The following ZC3H11A variants were observed in gnomAD, a reference collection of about 807,000 sequenced individuals.
The protein encoded by ZC3H11A is zinc finger CCCH-type containing 11A.
A neutral mutation model predicts 90.8 loss-of-function variants in ZC3H11A; 22 were observed. The observed-to-expected ratio is 0.24, with a 90% CI of 0.17 to 0.35. ZC3H11A has a LOEUF of 0.35. Ranked by LOEUF, ZC3H11A falls within the 10% of genes least tolerant of loss-of-function variation. The pLI is 1.00. For synonymous variants in ZC3H11A, 294 were observed against 339.8 expected, an observed-to-expected ratio of 0.87 and a Z score of 1.48; for missense variants, 701 against 964.9, an observed-to-expected ratio of 0.73 and a Z score of 3.62.
In ZC3H11A at chr1:203,852,125, C is replaced by CTTTTTTTT; in HGVS notation, c.2175-15_2175-8dup. 2 of 1,612,570 alleles carry CTTTTTTTT rather than the reference C, an allele frequency of 1.2e-6. No homozygotes were observed. Among genetic ancestry groups the CTTTTTTTT allele is most frequent in the African/African-American group, 1.3e-5 (1 of 74,740 alleles). ...TTTAAAACGGCAGTTTTCTAATAAT[C>CTTTTTTTT]TTTTTTTTCTTACAGTCTTGTGCTG... On this transcript the variant is annotated splice_polypyrimidine_tract_variant and intron_variant, in intron 17 of 17. Coordinates refer to ENST00000367210, the MANE Select transcript of ZC3H11A (RefSeq NM_001376342.1).
intron 12 of ZC3H11A, among the ~76,000 whole-genome samples, chr1:203,842,248 G>A (rs1440538626): frequency 3.9e-5 from 6 of 152,268 alleles, no homozygotes; most frequent in East Asian, 1.9e-4. Context: ...CAAGGCAGGC[G>A]GCTGGGAGGT....
At position 203,797,812 on chromosome 1, in the gene ZC3H11A, A is replaced by G. The variant is rs1006311710; in HGVS notation, c.-1588+2018A>G. 2.6e-6 allele frequency: 4 copies of G among 1,535,992 alleles called. No homozygotes were observed. In the Admixed American group the frequency reaches 7.8e-5, roughly 30 times the overall value. ...TTGGGATCTGGGAGGCCTGTTGCAG[A>G]TGCCCCTGCTTTGTTAGCTTCCAAT... On this transcript the variant is annotated intron_variant, in intron 1 of 17. Transcript: ENST00000367210.
chr1:203,816,778 A>T (rs1006492932), intron 2 of ZC3H11A, 148 bp from the exon 3 acceptor site: 1 of 291,756 alleles, frequency 3.4e-6, no homozygotes, highest in African/African-American at 2.2e-5. Flanking sequence ...AATGTACAGT[A>T]TTCGCAATCA....
intron 2 of ZC3H11A, among the ~76,000 whole-genome samples, chr1:203,816,110 T>C (rs1209224000): frequency 6.6e-6 from 1 of 152,214 alleles, no homozygotes; most frequent in African/African-American, 2.4e-5. Context: ...AACAGGGTTT[T>C]CTCACCTAGT....
chr1:203,813,134 C>A (rs1007939595), intron 2 of ZC3H11A, among the ~76,000 whole-genome samples: 3 of 151,968 alleles, frequency 2.0e-5, no homozygotes, highest in Non-Finnish European at 4.4e-5. Context: ...CTTTCTTAAG[C>A]TTCTTAACAG....
intron 8 of ZC3H11A, among the ~76,000 whole-genome samples, chr1:203,830,813 A>G (rs1257450367): frequency 3.9e-5 from 6 of 152,180 alleles, no homozygotes; most frequent in African/African-American, 1.2e-4. Flanking sequence ...GTCTCAAAAA[A>G]GAAAAAAAAG....
intron 4 of ZC3H11A, among the ~76,000 whole-genome samples, chr1:203,826,769 A>C (rs980209411): frequency 6.6e-6 from 1 of 152,158 alleles, no homozygotes; most frequent in Non-Finnish European, 1.5e-5. Context: ...AGTTCATCGG[A>C]GGTTAGTTAG....
chr1:203,850,996 T>G, intron 16 of ZC3H11A, 61 bp from the exon 17 acceptor site: 1 of 1,571,596 alleles, frequency 6.4e-7, no homozygotes, highest in Non-Finnish European at 8.7e-7. Context: ...CAAAAGAAAA[T>G]GAATATGCTC....
chr1:203,801,460 T>C (rs1670536739), intron 1 of ZC3H11A, 115 bp from the exon 2 acceptor site: 1 of 152,362 alleles, frequency 6.6e-6, no homozygotes, highest in South Asian at 2.1e-4. Flanking sequence ...TCTGAAAGTA[T>C]GTTTCTGAGA....
chr1:203,800,555 C>T, intron 1 of ZC3H11A: 3 of 1,199,574 alleles, frequency 2.5e-6, no homozygotes, highest in Non-Finnish European at 3.3e-6. Flanking sequence ...TCTTTATAAA[C>T]ACATCTGGGG....
rs34793133 is a variant in ZC3H11A, at chr1:203,846,115, CAAA to C, written c.1043-1051_1043-1049del. 1.5e-4 allele frequency among the ~76,000 whole-genome samples: 8 copies of C among 53,168 alleles called. No individual in the cohort carries two copies. In the East Asian group the frequency reaches 1.9e-3, roughly 13 times the overall value. 34.9% of individuals were successfully genotyped at this position (53,168 alleles called of 152,430 possible). Reference sequence around the variant, plus strand: ...CCACATAACAAGACCTCGTCTTTACCAAAAAAAAAAAAAAAAAAAAGATTTTGA... The same window carrying C: ...CCACATAACAAGACCTCGTCTTTACCAAAAAAAAAAAAAAAAAGATTTTGA... On this transcript the variant is annotated intron_variant, in intron 12 of 17. Coordinates refer to ENST00000367210, the MANE Select transcript of ZC3H11A (RefSeq NM_001376342.1).
chr1:203,797,519 G>T, intron 1 of ZC3H11A: 1 of 1,490,732 alleles, frequency 6.7e-7, no homozygotes, highest in South Asian at 1.3e-5. Context: ...GAGACATAAA[G>T]AGAATGAGTG....
intron 10 of ZC3H11A, among the ~76,000 whole-genome samples, chr1:203,836,621 C>T (rs1684423739): frequency 6.6e-6 from 1 of 152,050 alleles, no homozygotes; most frequent in South Asian, 2.1e-4. Flanking sequence ...ACTAAAAATA[C>T]AAAAATCAGC....
rs373591619 is a variant in ZC3H11A at position 203,806,830 on chromosome 1, C to CTTTTTTTTTTTTT, written c.-146+3819_-146+3831dup. ...TGAGTGGATATTGCACCTCAGGTTC[C>CTTTTTTTTTTTTT]TTTTTTTTTTTTTTTTTGCTATTTT... On this transcript the variant is annotated intron_variant, in intron 2 of 17. Coordinates refer to ENST00000367210, the MANE Select transcript of ZC3H11A (RefSeq NM_001376342.1). 2.5e-5 allele frequency among the ~76,000 whole-genome samples: 3 copies of CTTTTTTTTTTTTT among 117,850 alleles called. 1 individual carries two copies. Among genetic ancestry groups the CTTTTTTTTTTTTT allele is most frequent in the Admixed American group, 8.7e-5 (1 of 11,480 alleles). 77.3% of individuals were successfully genotyped at this position (117,850 alleles called of 152,430 possible). A position where few individuals can be genotyped will look rare whatever the true frequency, so the allele number is the denominator to read the frequency against.
At chr1:203,800,006 A>G (rs748388305) in intron 1 of ZC3H11A, 64 of 1,535,996 alleles carry the variant, frequency 4.2e-5, no homozygotes, top group Non-Finnish European at 5.3e-5. Context: ...GAGCTGATTC[A>G]TTTACCTCAT....
chr1:203,829,951 AT>A, intron 7 of ZC3H11A, 55 bp downstream of exon 7: 3 of 1,516,224 alleles, frequency 2.0e-6, no homozygotes, highest in Non-Finnish European at 2.7e-6. Context: ...TACCTTTGAA[AT>A]TTAGTTCACA....
intron 4 of ZC3H11A, among the ~76,000 whole-genome samples, chr1:203,820,590 G>A (rs1166903497): frequency 1.3e-5 from 2 of 151,840 alleles, no homozygotes; most frequent in Non-Finnish European, 2.9e-5. Context: ...TGATTCTTGT[G>A]CCTCAACCTC....
At position 203,840,317 on chromosome 1, in the gene ZC3H11A, A is replaced by G; in HGVS notation, c.985A>G (p.Lys329Glu). 6 of 1,613,108 alleles carry G rather than the reference A, an allele frequency of 3.7e-6. No homozygotes were observed. The highest frequency in any genetic ancestry group is 5.1e-6 in the Non-Finnish European group (6 of 1,179,440). Residue 329 changes from lysine (K) to glutamate (E), a missense_variant, in exon 12 of 18, where the codon AAG (lysine) becomes GAG (glutamate). This residue lies in a region of ZC3H11A where 530 missense variants were observed against 696.2 expected (regional missense o/e 0.76). Coordinates refer to ENST00000367210, the MANE Select transcript of ZC3H11A (RefSeq NM_001376342.1). ...DKTPKKAQVS[K>E]SLKERLGMSA... ...CTTTCTTTTCACAGCTCAAGTTTCCAAGTCTCTTAAGGAGCGATTAGGCAT... is the reference window on the plus strand; with the variant it reads ...CTTTCTTTTCACAGCTCAAGTTTCCGAGTCTCTTAAGGAGCGATTAGGCAT...
chr1:203,800,327 T>C (rs369984752), intron 1 of ZC3H11A: 4 of 887,374 alleles, frequency 4.5e-6, no homozygotes, highest in East Asian at 2.6e-5. Context: ...GCCTGGACTT[T>C]GACAATATAG....
Sources: allele counts gnomAD v4.1 joint callset (sites outside exome capture counted in the v4.1 genomes callset), GRCh38; gene constraint gnomAD v4.1.1; regional missense constraint gnomAD v4.1.1; transcripts MANE v1.5; gene names NCBI Gene and HGNC (gene_info 2026-07-23, HGNC 2026-07-21).